Variants in HPCAL1 observed in about 807,000 individuals in gnomAD.
HPCAL1 encodes the protein hippocalcin like 1.
In HPCAL1, 8 loss-of-function variants were observed where a neutral mutation model predicts 17.1. The ratio of observed to expected loss-of-function variants is 0.47; its 90% CI spans 0.27 to 0.84. The LOEUF (loss-of-function observed/expected upper bound fraction) is 0.84, where lower values mean the gene tolerates loss of function less well. Among genes scored for constraint, HPCAL1 ranks in the 40% least tolerant of loss-of-function variants. The pLI, the probability that HPCAL1 is intolerant of heterozygous loss-of-function variation, is 0.13. For missense variants in HPCAL1, 165 were observed against 271.1 expected (o/e 0.61, Z 2.75); for synonymous variants, 112 against 111.4 (o/e 1.01, Z -0.03).
At position 10,324,618 on chromosome 2, in the gene HPCAL1, A is replaced by G. The variant is rs1663874216; in HGVS notation, c.-111+21441A>G. Among the ~76,000 whole-genome samples, 3 of 152,074 alleles carry G rather than the reference A, an allele frequency of 2.0e-5. No individual in the cohort carries two copies. The South Asian group carries it at 6.2e-4, about 32-fold the overall frequency. Reference sequence around the variant, plus strand: ...TCAGCCTATGTTTTGGGGAAATGCAAATGATAGGAAACCACCCCTGGTCCT... The same window carrying G: ...TCAGCCTATGTTTTGGGGAAATGCAGATGATAGGAAACCACCCCTGGTCCT... On this transcript the variant is annotated intron_variant, in intron 1 of 4. Transcript: ENST00000307845.
chr2:10,321,773 C>G (rs192519219), intron 1 of HPCAL1, among the ~76,000 whole-genome samples: 2 of 152,300 alleles, frequency 1.3e-5, no homozygotes, highest in Admixed American at 1.3e-4. Flanking sequence ...TTTCATGCAC[C>G]GCCAATGCTG....
At chr2:10,361,599 C>G (rs1165824915) in intron 1 of HPCAL1, among the ~76,000 whole-genome samples, 1 of 152,136 alleles carries the variant, frequency 6.6e-6, no homozygotes, top group Non-Finnish European at 1.5e-5. Flanking sequence ...CCTAATATAT[C>G]AGAGGGCTAG....
intron 1 of HPCAL1, chr2:10,368,532 C>T (rs1004064113): frequency 6.6e-6 from 1 of 152,214 alleles, no homozygotes; most frequent in East Asian, 1.9e-4. Flanking sequence ...CCTTCTGACT[C>T]CCCCAGACAC....
intron 1 of HPCAL1, among the ~76,000 whole-genome samples, chr2:10,364,496 C>T (rs1666722855): frequency 1.3e-5 from 2 of 151,880 alleles, no homozygotes; most frequent in Admixed American, 6.5e-5. Context: ...TCGGGTGTCC[C>T]GGGGGAGACT....
At chr2:10,401,241 A>G (rs990469099) in intron 2 of HPCAL1, among the ~76,000 whole-genome samples, 1 of 152,172 alleles carries the variant, frequency 6.6e-6, no homozygotes, top group African/African-American at 2.4e-5. Context: ...CCAGGCATCC[A>G]GCACCACACC....
In HPCAL1 at chr2:10,410,978, TC is replaced by T. The variant is rs1460139175; in HGVS notation, c.-24-8754del. 1.4e-4 allele frequency among the ~76,000 whole-genome samples: 20 copies of T among 145,626 alleles called. No homozygotes were observed. In the East Asian group the frequency reaches 4.5e-3, roughly 33 times the overall value. On this transcript the variant is annotated intron_variant, in intron 2 of 4. Transcript: ENST00000307845. ...GCAGCCTGCGTCGGGCCCGACAGCC[TC>T]CAGGAGAGAGCTAAAATGAGGTCCT...
At chr2:10,357,949 A>T (rs1666273535) in intron 1 of HPCAL1, among the ~76,000 whole-genome samples, 1 of 152,230 alleles carries the variant, frequency 6.6e-6, no homozygotes, top group African/African-American at 2.4e-5. Flanking sequence ...CCCTGAGGAA[A>T]ACAAGCTGTG....
intron 2 of HPCAL1, among the ~76,000 whole-genome samples, chr2:10,415,762 C>T (rs778904542): frequency 6.6e-6 from 1 of 152,194 alleles, no homozygotes; most frequent in Non-Finnish European, 1.5e-5. Context: ...CAAGGTCCCC[C>T]GAGCAGGGGT....
rs146802061 is a variant in HPCAL1 at position 10,422,536 on chromosome 2, C to T, written c.379-447C>T. Among the ~76,000 whole-genome samples, 738 of 152,314 alleles carry T rather than the reference C, an allele frequency of 4.8e-3. 6 individuals are homozygous for T. The highest frequency in any genetic ancestry group is 0.017 in the African/African-American group (714 of 41,578). ...CCAGTGCTGCTGCTTCCTGTCCTGT[C>T]GGGGCTGGTGATGGGGCTTGCCCTG... On this transcript the variant is annotated intron_variant, in intron 3 of 4. Coordinates refer to ENST00000307845, the MANE Select transcript of HPCAL1 (RefSeq NM_002149.4).
chr2:10,367,960 G>A lies in HPCAL1; in HGVS notation c.-110-28875G>A, dbSNP rs951305901. Among the ~76,000 whole-genome samples the A allele has an allele frequency of 2.6e-5, 4 of 152,178 alleles. No homozygotes were observed. In the South Asian group the frequency reaches 8.3e-4, roughly 32 times the overall value. On this transcript the variant is annotated intron_variant, in intron 1 of 4. Transcript: ENST00000307845. The surrounding 1 kb of genome is among the most constrained non-coding windows in gnomAD (Gnocchi z 4.4). ...TAGGTGTGTGCATATGTGTATATAG[G>A]TGTGTGCATGTGTGTATATACCTGT...
At chr2:10,380,266 C>G in intron 1 of HPCAL1, among the ~76,000 whole-genome samples, 1 of 152,172 alleles carries the variant, frequency 6.6e-6, no homozygotes, top group Non-Finnish European at 1.5e-5. Context: ...AGTGTGTGGG[C>G]AGGTTGGCAA....
At chr2:10,414,795 C>G (rs748065984) in intron 2 of HPCAL1, among the ~76,000 whole-genome samples, 1 of 152,180 alleles carries the variant, frequency 6.6e-6, no homozygotes, top group Non-Finnish European at 1.5e-5. Context: ...CATCACCTTT[C>G]AGCTGAAAGG....
chr2:10,324,707 C>G (rs1663881809), intron 1 of HPCAL1, among the ~76,000 whole-genome samples: 1 of 136,852 alleles, frequency 7.3e-6, no homozygotes, highest in African/African-American at 2.9e-5. Flanking sequence ...TGGCTAGTGG[C>G]TAGTGAATAC....
In HPCAL1 at chr2:10,401,765, G is replaced by A. The variant is rs565105824; in HGVS notation, c.-25+4845G>A. 1.6e-4 allele frequency among the ~76,000 whole-genome samples: 25 copies of A among 152,330 alleles called. No individual in the cohort carries two copies. The South Asian group carries it at 4.8e-3, about 29-fold the overall frequency. On this transcript the variant is annotated intron_variant, in intron 2 of 4. Coordinates refer to ENST00000307845, the MANE Select transcript of HPCAL1 (RefSeq NM_002149.4). The stretch of plus-strand genomic sequence containing the variant: ...CCAGCTCTCTGTCCTTGGGAAAAGG[G>A]TCAGGAGAGAACTGGGGCCCAGCTG...
chr2:10,421,761 G>T (rs112313391), intron 3 of HPCAL1, among the ~76,000 whole-genome samples: 16 of 152,150 alleles, frequency 1.1e-4, no homozygotes, highest in Non-Finnish European at 1.8e-4. Flanking sequence ...TGGTCCCATG[G>T]TAGGGAACTT....
intron 1 of HPCAL1, among the ~76,000 whole-genome samples, chr2:10,308,611 AT>A (rs1307772808): frequency 1.3e-5 from 2 of 152,300 alleles, no homozygotes; most frequent in African/African-American, 4.8e-5. Flanking sequence ...GTGCTTGGCC[AT>A]CCCGCTGCTA....
intron 1 of HPCAL1, among the ~76,000 whole-genome samples, chr2:10,316,004 C>T (rs1663290732): frequency 6.6e-6 from 1 of 151,884 alleles, no homozygotes; most frequent in Non-Finnish European, 1.5e-5. Context: ...GAGACTTGCT[C>T]TCAAAAAAAA....
At chr2:10,381,373 C>T (rs1293916231) in intron 1 of HPCAL1, among the ~76,000 whole-genome samples, 1 of 152,220 alleles carries the variant, frequency 6.6e-6, no homozygotes, top group African/African-American at 2.4e-5. Context: ...CAGCAAGTTT[C>T]CTCCCACCTC....
intron 2 of HPCAL1, among the ~76,000 whole-genome samples, chr2:10,411,937 T>A (rs937891629): frequency 7.9e-5 from 12 of 152,198 alleles, no homozygotes; most frequent in African/African-American, 2.2e-4. Flanking sequence ...GTCCAGTGTC[T>A]TTCCAGAGAA....
Sources: allele counts gnomAD v4.1 joint callset (sites outside exome capture counted in the v4.1 genomes callset), GRCh38; gene constraint gnomAD v4.1.1; non-coding constraint Gnocchi (gnomAD v3.1); transcripts MANE v1.5; gene names NCBI Gene and HGNC (gene_info 2026-07-23, HGNC 2026-07-21).